The following CSMD1 variants were observed in gnomAD, a reference collection of about 807,000 sequenced individuals.
The protein encoded by CSMD1 is CUB and sushi domain-containing protein 1.
In CSMD1, 213 loss-of-function variants were observed where a neutral mutation model predicts 417.5. The observed-to-expected ratio is 0.51, with a 90% CI of 0.46 to 0.57. The LOEUF is 0.57. CSMD1 is among the 20% of genes least tolerant of loss of function. The pLI, the probability that CSMD1 is intolerant of heterozygous loss-of-function variation, is 0.00. For missense variants in CSMD1, 6,923 were observed against 4,529.7 expected (o/e 1.53, Z -15.17); for synonymous variants, 2,862 against 1,736.8 (o/e 1.65, Z -16.11).
chr8:4,250,034 A>G (rs1190330999), intron 3 of CSMD1, among the ~76,000 whole-genome samples: 1 of 152,156 alleles, frequency 6.6e-6, no homozygotes, highest in Non-Finnish European at 1.5e-5. Context: ...CCATGAATAA[A>G]TTGATGCCCC....
intron 1 of CSMD1, among the ~76,000 whole-genome samples, chr8:4,708,921 T>A (rs879284983): frequency 7.2e-5 from 11 of 152,080 alleles, no homozygotes; most frequent in Non-Finnish European, 1.5e-4. Context: ...TACAGGAAGG[T>A]GGTCATTCAC....
intron 11 of CSMD1, among the ~76,000 whole-genome samples, chr8:3,492,283 A>G (rs1269329393): frequency 1.3e-5 from 2 of 152,072 alleles, no homozygotes; most frequent in Non-Finnish European, 2.9e-5. Context: ...TAAAGACATG[A>G]AGGAAATAAG....
chr8:3,100,014 T>C (rs940778640), intron 46 of CSMD1, among the ~76,000 whole-genome samples: 5 of 151,638 alleles, frequency 3.3e-5, no homozygotes, highest in African/African-American at 1.2e-4. Context: ...TCATGTGGGG[T>C]TTTTTGGTGT....
chr8:3,307,609 G>A (rs1021788367), intron 25 of CSMD1, 86 bp downstream of exon 25: 2 of 1,394,810 alleles, frequency 1.4e-6, no homozygotes, highest in South Asian at 1.4e-5. Context: ...TTTAACCATG[G>A]ATATTTGGTG....
intron 5 of CSMD1, among the ~76,000 whole-genome samples, chr8:3,861,365 T>G (rs902859738): frequency 6.6e-6 from 1 of 152,228 alleles, no homozygotes; most frequent in Non-Finnish European, 1.5e-5. Context: ...AAGTAAAATA[T>G]GAGCTGTCTT....
intron 2 of CSMD1, among the ~76,000 whole-genome samples, chr8:4,576,707 A>C (rs1799154061): frequency 6.6e-6 from 1 of 152,170 alleles, no homozygotes; most frequent in Non-Finnish European, 1.5e-5. Flanking sequence ...GAAGTCTGAT[A>C]ATCTCTTTCT....
intron 7 of CSMD1, among the ~76,000 whole-genome samples, chr8:3,687,350 G>T (rs1369856892): frequency 1.3e-5 from 2 of 152,172 alleles, no homozygotes; most frequent in Non-Finnish European, 2.9e-5. Context: ...GGCTGACTCT[G>T]TCCCCTTTCT....
In CSMD1 at chr8:4,401,745, G is replaced by A. The variant is rs139585250; in HGVS notation, c.415+18208C>T. 1.8e-3 allele frequency among the ~76,000 whole-genome samples: 273 copies of A among 152,118 alleles called. 1 individual carries two copies. Among genetic ancestry groups the A allele is most frequent in the African/African-American group, 6.2e-3 (258 of 41,478 alleles). On this transcript the variant is annotated intron_variant, in intron 3 of 69. Transcript: ENST00000635120. ...TTCCCTTAACATTCCACCTGAAGCTGGCGTCCCCTCTCTTGAACATAGTCC... is the reference window on the plus strand; with the variant it reads ...TTCCCTTAACATTCCACCTGAAGCTAGCGTCCCCTCTCTTGAACATAGTCC...
At chr8:4,931,454 G>C (rs537239567) in intron 1 of CSMD1, among the ~76,000 whole-genome samples, 21 of 152,214 alleles carry the variant, frequency 1.4e-4, no homozygotes, top group Admixed American at 1.4e-3. Flanking sequence ...CAAACGCCCA[G>C]CCTGCCCACC....
At chr8:3,560,731 T>G (rs544300147) in intron 10 of CSMD1, among the ~76,000 whole-genome samples, 1 of 152,304 alleles carries the variant, frequency 6.6e-6, no homozygotes, top group Admixed American at 6.5e-5. Context: ...TGGAACCTAA[T>G]TATCACTAGC....
intron 3 of CSMD1, among the ~76,000 whole-genome samples, chr8:4,230,953 G>T (rs180751345): frequency 1.4e-3 from 210 of 152,116 alleles, no homozygotes; most frequent in Non-Finnish European, 1.9e-3. Flanking sequence ...TGGAAAACAT[G>T]TGCTTAGATT....
At chr8:4,966,019 T>G (rs1251967046) in intron 1 of CSMD1, among the ~76,000 whole-genome samples, 1 of 152,032 alleles carries the variant, frequency 6.6e-6, no homozygotes, top group Non-Finnish European at 1.5e-5. Context: ...GGATACTTTA[T>G]GATATGCAAG....
chr8:3,641,979 A>G (rs975839943), intron 7 of CSMD1, among the ~76,000 whole-genome samples: 9 of 152,150 alleles, frequency 5.9e-5, no homozygotes, highest in Admixed American at 3.3e-4. Context: ...GAGAGCAGCA[A>G]TCCTAAGAGA....
intron 1 of CSMD1, among the ~76,000 whole-genome samples, chr8:4,919,001 T>A (rs185167730): frequency 6.6e-6 from 1 of 152,220 alleles, no homozygotes; most frequent in Non-Finnish European, 1.5e-5. Context: ...CTAAAATACA[T>A]GTACCAAAAG....
chr8:3,395,876 G>A (rs749559251), intron 17 of CSMD1, among the ~76,000 whole-genome samples: 1 of 152,062 alleles, frequency 6.6e-6, no homozygotes, highest in Non-Finnish European at 1.5e-5. Flanking sequence ...CTTTTGCTCA[G>A]AAAGTACATT....
intron 2 of CSMD1, among the ~76,000 whole-genome samples, chr8:4,426,135 C>T (rs1456208447): frequency 1.3e-5 from 2 of 150,434 alleles, no homozygotes; most frequent in Admixed American, 6.6e-5. Context: ...GAGAGACTGA[C>T]ATTAATTTCC....
At chr8:3,453,908 A>C (rs7005967) in intron 12 of CSMD1, among the ~76,000 whole-genome samples, 1 of 152,012 alleles carries the variant, frequency 6.6e-6, no homozygotes, top group African/African-American at 2.4e-5. Context: ...TGTTGACAGT[A>C]GGGTGTTAAA....
intron 4 of CSMD1, among the ~76,000 whole-genome samples, chr8:4,007,555 G>A (rs574738759): frequency 3.3e-5 from 5 of 152,164 alleles, no homozygotes; most frequent in Admixed American, 2.0e-4. Flanking sequence ...TCTCCATCCT[G>A]TATGCTTACC....
At chr8:4,905,278 A>G (rs1805167205) in intron 1 of CSMD1, among the ~76,000 whole-genome samples, 1 of 152,126 alleles carries the variant, frequency 6.6e-6, no homozygotes, top group South Asian at 2.1e-4. Context: ...CATTTGCTGA[A>G]GTTTAGGGTG....
Sources: allele counts gnomAD v4.1 joint callset (sites outside exome capture counted in the v4.1 genomes callset), GRCh38; gene constraint gnomAD v4.1.1; transcripts MANE v1.5; gene names NCBI Gene and HGNC (gene_info 2026-07-23, HGNC 2026-07-21).